The following TNFRSF8 variants were observed in gnomAD, a reference collection of about 807,000 sequenced individuals.
The protein encoded by TNFRSF8 is tumor necrosis factor receptor superfamily member 8.
TNFRSF8 carries 26 observed loss-of-function variants against 70.8 expected under a neutral mutation model. That is an observed-to-expected ratio of 0.37 (90% CI 0.27 to 0.51). The LOEUF is 0.51. TNFRSF8 is among the 20% of genes least tolerant of loss of function. The pLI, the probability that TNFRSF8 is intolerant of heterozygous loss-of-function variation, is 0.94. For synonymous variants in TNFRSF8, 356 were observed against 339.2 expected (o/e 1.05, Z -0.54); for missense variants, 720 against 807.9 (o/e 0.89, Z 1.32).
At chr1:12,094,432 G>A (rs1345760704) in intron 2 of TNFRSF8, among the ~76,000 whole-genome samples, 1 of 152,092 alleles carries the variant, frequency 6.6e-6, no homozygotes, top group East Asian at 1.9e-4. Context: ...TGTGGCTAGA[G>A]ATCAGAGGGC....
chr1:12,098,554 G>A (rs529897455), intron 3 of TNFRSF8, among the ~76,000 whole-genome samples: 1 of 152,108 alleles, frequency 6.6e-6, no homozygotes, highest in East Asian at 1.9e-4. Context: ...CATATTTATG[G>A]CATTAAAATG....
At chr1:12,094,055 T>C (rs1641289041) in intron 2 of TNFRSF8, among the ~76,000 whole-genome samples, 1 of 83,798 alleles carries the variant, frequency 1.2e-5, no homozygotes, top group African/African-American at 4.6e-5. Context: ...CAAGACTTTG[T>C]CTCAAAAAAA....
Position 12,143,785 on chromosome 1 carries a change from A to C in TNFRSF8, c.*1254A>C, listed in dbSNP as rs1642306449. ...TCTTGGAGTTGCGGGCAGCCTGGAG[A>C]CTCGTGGACTTACCGCCTGGAGGCA... is the stretch of plus-strand genomic sequence containing the variant. On this transcript the variant is annotated 3_prime_UTR_variant, in exon 15 of 15. Coordinates refer to ENST00000263932, the MANE Select transcript of TNFRSF8 (RefSeq NM_001243.5). The surrounding 1 kb of genome is among the most constrained non-coding windows in gnomAD (Gnocchi z 4.1). 1 of 151,802 alleles carries C rather than the reference A, an allele frequency of 6.6e-6. No homozygotes were observed. Among genetic ancestry groups the C allele is most frequent in the Admixed American group, 6.6e-5 (1 of 15,238 alleles). The allele number at this position is 151,802 out of a possible 1,614,324, so 9.4% of individuals were successfully genotyped here.
At chr1:12,116,100 G>C (rs943012895) in intron 8 of TNFRSF8, among the ~76,000 whole-genome samples, 2 of 152,118 alleles carry the variant, frequency 1.3e-5, no homozygotes, top group African/African-American at 4.8e-5. Flanking sequence ...TCCTGCCTCA[G>C]CCTTCTGAGT....
At chr1:12,114,309 T>C (rs1641687169) in intron 7 of TNFRSF8, among the ~76,000 whole-genome samples, 1 of 152,212 alleles carries the variant, frequency 6.6e-6, no homozygotes, top group Non-Finnish European at 1.5e-5. Flanking sequence ...CTGAGACTAC[T>C]GTCTCACACA....
At chr1:12,096,443 AAT>A (rs1431322673) in intron 2 of TNFRSF8, among the ~76,000 whole-genome samples, 3 of 149,558 alleles carry the variant, frequency 2.0e-5, no homozygotes, top group African/African-American at 7.6e-5. Flanking sequence ...AAAAAAAAAA[AAT>A]CACACACACG....
chr1:12,118,742 C>T (rs554197951), intron 8 of TNFRSF8, among the ~76,000 whole-genome samples: 4 of 152,354 alleles, frequency 2.6e-5, no homozygotes, highest in South Asian at 2.1e-4. Flanking sequence ...CTGCCATCAA[C>T]GATGGCTCCG....
At chr1:12,073,066 T>A (rs925749864) in intron 1 of TNFRSF8, among the ~76,000 whole-genome samples, 1 of 152,040 alleles carries the variant, frequency 6.6e-6, no homozygotes, top group Non-Finnish European at 1.5e-5. Flanking sequence ...GGCAGGAGGA[T>A]CTCATGAGCC....
intron 13 of TNFRSF8, among the ~76,000 whole-genome samples, chr1:12,135,949 C>T (rs893763293): frequency 6.6e-6 from 1 of 152,182 alleles, no homozygotes; most frequent in Non-Finnish European, 1.5e-5. Flanking sequence ...TTGGTTTGGG[C>T]CACTTTTGGG....
rs2101019716 is a variant in TNFRSF8, at chr1:12,119,111, C to T, written c.946+3382C>T. Among the ~76,000 whole-genome samples the T allele has an allele frequency of 6.6e-6, 1 of 152,362 alleles. No individual in the cohort carries two copies. Among genetic ancestry groups the T allele is most frequent in the Admixed American group, 6.5e-5 (1 of 15,312 alleles). ...AACTCCTGACCTGGTGATCCGCCTG[C>T]CTCGGCCTCGCAAAAGTGCTGGGAT... On this transcript the variant is annotated intron_variant, in intron 8 of 14. Coordinates refer to ENST00000263932, the MANE Select transcript of TNFRSF8 (RefSeq NM_001243.5). This position sits in a 1 kb window ranked among gnomAD's most constrained non-coding sequence, Gnocchi z 4.4.
chr1:12,127,747 C>T (rs1029484279), intron 12 of TNFRSF8, among the ~76,000 whole-genome samples: 3 of 152,196 alleles, frequency 2.0e-5, no homozygotes, highest in Admixed American at 6.5e-5. Context: ...TTGAAACCGG[C>T]GTTTGCTTTC....
chr1:12,126,365 C>T lies in TNFRSF8; in HGVS notation c.1309+129C>T, dbSNP rs1214112838. 2.9e-5 allele frequency: 31 copies of T among 1,065,110 alleles called. 1 individual carries two copies. The highest frequency in any genetic ancestry group is 5.2e-5 in the South Asian group (4 of 76,328). The allele number at this position is 1,065,110 out of a possible 1,614,324, so 66.0% of individuals were successfully genotyped here. A position where few individuals can be genotyped will look rare whatever the true frequency, so the allele number is the denominator to read the frequency against. The stretch of plus-strand genomic sequence containing the variant: ...GAAGCTCCCTGTCTGTGGCTCCTGT[C>T]GCATTCTGTACATCTGTAGGGATGC... On this transcript the variant is annotated intron_variant, in intron 12 of 14. Coordinates refer to ENST00000263932, the MANE Select transcript of TNFRSF8 (RefSeq NM_001243.5).
At chr1:12,127,321 G>C (rs1641959791) in intron 12 of TNFRSF8, among the ~76,000 whole-genome samples, 1 of 152,240 alleles carries the variant, frequency 6.6e-6, no homozygotes, top group African/African-American at 2.4e-5. Flanking sequence ...GATGACCTTT[G>C]TTCTGCAAGG....
At chr1:12,079,750 G>A (rs148730679) in intron 1 of TNFRSF8, among the ~76,000 whole-genome samples, 2 of 152,182 alleles carry the variant, frequency 1.3e-5, no homozygotes, top group Non-Finnish European at 1.5e-5. Flanking sequence ...CAGCCCCTCC[G>A]CACAGCAAGA....
At chr1:12,079,093 G>A (rs549947757) in intron 1 of TNFRSF8, among the ~76,000 whole-genome samples, 2 of 152,280 alleles carry the variant, frequency 1.3e-5, no homozygotes, top group African/African-American at 4.8e-5. Context: ...TTTTGCATTT[G>A]ATCTAACTCC....
At chr1:12,134,442 A>G (rs940690497) in intron 12 of TNFRSF8, among the ~76,000 whole-genome samples, 3 of 152,178 alleles carry the variant, frequency 2.0e-5, no homozygotes, top group Non-Finnish European at 2.9e-5. Flanking sequence ...CAGTGAGCCA[A>G]GGTTAAATGT....
At chr1:12,130,394 C>T (rs1392125898) in intron 12 of TNFRSF8, among the ~76,000 whole-genome samples, 1 of 152,182 alleles carries the variant, frequency 6.6e-6, no homozygotes, top group Non-Finnish European at 1.5e-5. Flanking sequence ...TCATCCTGTG[C>T]TTTGAGCACG....
At chr1:12,069,248 A>G (rs111994877) in intron 1 of TNFRSF8, among the ~76,000 whole-genome samples, 37,973 of 123,950 alleles carry the variant, frequency 0.31, 6,398 homozygotes, top group African/African-American at 0.53. Flanking sequence ...GCGCTGTCTC[A>G]GCTCACTGCA....
intron 1 of TNFRSF8, among the ~76,000 whole-genome samples, chr1:12,071,220 G>T (rs1023041549): frequency 2.6e-5 from 4 of 152,204 alleles, no homozygotes; most frequent in African/African-American, 9.6e-5. Flanking sequence ...TGGGCAGATA[G>T]TTGGGGCCAG....
Sources: allele counts gnomAD v4.1 joint callset (sites outside exome capture counted in the v4.1 genomes callset), GRCh38; gene constraint gnomAD v4.1.1; non-coding constraint Gnocchi (gnomAD v3.1); transcripts MANE v1.5; gene names NCBI Gene and HGNC (gene_info 2026-07-23, HGNC 2026-07-21).